The following FGF14 variants were observed in gnomAD, a reference collection of about 807,000 sequenced individuals.
FGF14 encodes fibroblast growth factor 14.
A neutral mutation model predicts 25.5 loss-of-function variants in FGF14; 5 were observed. The ratio of observed to expected loss-of-function variants is 0.20; its 90% CI spans 0.10 to 0.41. FGF14 has a LOEUF of 0.41. FGF14 is among the 10% of genes least tolerant of loss of function. FGF14 has a pLI of 1.00. For missense variants in FGF14, 222 were observed against 320.1 expected, an observed-to-expected ratio of 0.69 and a Z score of 2.34; for synonymous variants, 138 against 118.3, an observed-to-expected ratio of 1.17 and a Z score of -1.08.
At chr13:101,794,337 T>G (rs934858040) in intron 3 of FGF14, among the ~76,000 whole-genome samples, 16 of 152,168 alleles carry the variant, frequency 1.1e-4, no homozygotes, top group Non-Finnish European at 8.8e-5. Flanking sequence ...AACATCTGAT[T>G]TGGTCAGTAG....
chr13:102,038,300 T>C (rs1390223182), intron 1 of FGF14, among the ~76,000 whole-genome samples: 4 of 152,148 alleles, frequency 2.6e-5, no homozygotes, highest in Admixed American at 1.3e-4. Context: ...TTGGAATATA[T>C]GTTATTAGTG....
chr13:102,164,176 A>G (rs2047901039), intron 1 of FGF14, among the ~76,000 whole-genome samples: 1 of 152,196 alleles, frequency 6.6e-6, no homozygotes, highest in Non-Finnish European at 1.5e-5. Flanking sequence ...ACCACAGGAC[A>G]CGAGCAAGAA....
intron 3 of FGF14, among the ~76,000 whole-genome samples, chr13:101,797,772 T>TGTGTGTGTGTGTGC (rs1555384576): frequency 0.028 from 4,014 of 145,620 alleles, 115 homozygotes; most frequent in Middle Eastern, 0.041. Context: ...TGTGTGTGTG[T>TGTGTGTGTGTGTGC]GTGTGTGTGT....
chr13:102,097,940 C>T (rs1198217363), intron 1 of FGF14, among the ~76,000 whole-genome samples: 88 of 152,176 alleles, frequency 5.8e-4, no homozygotes, highest in Non-Finnish European at 1.5e-4. Flanking sequence ...GCAGTCAACC[C>T]GAGAAAAACT....
chr13:101,821,953 TATC>T (rs2042176029), intron 3 of FGF14, among the ~76,000 whole-genome samples: 1 of 152,216 alleles, frequency 6.6e-6, no homozygotes, highest in South Asian at 2.1e-4. Context: ...GAACTGCAGA[TATC>T]ATCTTTTCAC....
Position 101,864,309 on chromosome 13 carries a change from C to G in FGF14, c.408+4416G>C, listed in dbSNP as rs151002996. Among the ~76,000 whole-genome samples, 11 of 152,236 alleles carry G rather than the reference C, an allele frequency of 7.2e-5. No homozygotes were observed. The East Asian group carries it at 2.1e-3, about 29-fold the overall frequency. On this transcript the variant is annotated intron_variant, in intron 3 of 4. Transcript: ENST00000376143. ...GTTAGAAAATCCAAATATTTAGTTTCAATGCCTGAGTAGTCCATTTACTGA... is the reference window on the plus strand; with the variant it reads ...GTTAGAAAATCCAAATATTTAGTTTGAATGCCTGAGTAGTCCATTTACTGA...
chr13:102,280,005 T>G (rs1279014681), intron 1 of FGF14, among the ~76,000 whole-genome samples: 1 of 152,204 alleles, frequency 6.6e-6, no homozygotes, highest in Non-Finnish European at 1.5e-5. Context: ...TTATATTCTG[T>G]GTATGATTTA....
intron 1 of FGF14, among the ~76,000 whole-genome samples, chr13:101,930,564 TC>T (rs2034684413): frequency 6.6e-6 from 1 of 152,198 alleles, no homozygotes; most frequent in South Asian, 2.1e-4. Context: ...AGGGACTCAG[TC>T]AGTTGCAAAG....
intron 3 of FGF14, among the ~76,000 whole-genome samples, chr13:101,829,382 T>C (rs2042561927): frequency 6.6e-6 from 1 of 152,040 alleles, no homozygotes; most frequent in African/African-American, 2.4e-5. Flanking sequence ...GCAACCATAA[T>C]AAGAGAATAA....
intron 3 of FGF14, among the ~76,000 whole-genome samples, chr13:101,757,432 A>G (rs1353428827): frequency 6.6e-6 from 1 of 152,238 alleles, no homozygotes; most frequent in East Asian, 1.9e-4. Context: ...ATCCTAAAAT[A>G]CAAACTGAGA....
At chr13:102,183,042 G>T (rs2048738271) in intron 1 of FGF14, among the ~76,000 whole-genome samples, 1 of 152,068 alleles carries the variant, frequency 6.6e-6, no homozygotes, top group Admixed American at 6.6e-5. Context: ...ATACAAGCAA[G>T]CCCACTCATC....
chr13:102,029,312 G>A (rs1399316118), intron 1 of FGF14, among the ~76,000 whole-genome samples: 1 of 151,946 alleles, frequency 6.6e-6, no homozygotes, highest in Non-Finnish European at 1.5e-5. Context: ...ATATAACTTA[G>A]GATGCAAGAT....
intron 1 of FGF14, among the ~76,000 whole-genome samples, chr13:102,217,923 G>T (rs558541820): frequency 2.0e-5 from 3 of 152,140 alleles, no homozygotes; most frequent in African/African-American, 7.2e-5. Flanking sequence ...CTCCATCATG[G>T]CTGTGCAGAT....
At chr13:101,951,412 T>A (rs1020420500) in intron 1 of FGF14, among the ~76,000 whole-genome samples, 2 of 152,108 alleles carry the variant, frequency 1.3e-5, no homozygotes, top group African/African-American at 4.8e-5. Flanking sequence ...TTTTTTTCAG[T>A]TTTCTAGAAC....
At chr13:102,227,485 T>G (rs1271559936) in intron 1 of FGF14, among the ~76,000 whole-genome samples, 1 of 152,080 alleles carries the variant, frequency 6.6e-6, no homozygotes, top group Non-Finnish European at 1.5e-5. Context: ...TTGTGTACAT[T>G]TTTGTCCCCT....
chr13:102,265,456 G>T (rs543786815), intron 1 of FGF14, among the ~76,000 whole-genome samples: 1 of 152,186 alleles, frequency 6.6e-6, no homozygotes, highest in Non-Finnish European at 1.5e-5. Context: ...TCAAGCAAAA[G>T]GCAGAATCCA....
chr13:101,747,273 C>T (rs1358146748), intron 3 of FGF14, among the ~76,000 whole-genome samples: 2 of 151,948 alleles, frequency 1.3e-5, no homozygotes, highest in Non-Finnish European at 2.9e-5. Flanking sequence ...GTGATTCATC[C>T]AGCAAACAAG....
At chr13:102,392,204 C>T (rs1486606183) in intron 1 of FGF14, among the ~76,000 whole-genome samples, 1 of 152,208 alleles carries the variant, frequency 6.6e-6, no homozygotes, top group Non-Finnish European at 1.5e-5. Flanking sequence ...TCATTCCTAT[C>T]TAAAAAAGCA....
rs141819525 is a variant in FGF14, at chr13:101,948,434, T to C, written c.209-73138A>G. ...ACATATGTAACAAACCTGCACGTTG[T>C]GCACATGTACCCTAGAACTTAAAGT... On this transcript the variant is annotated intron_variant, in intron 1 of 4. Coordinates refer to the FGF14 transcript ENST00000376131. Among the ~76,000 whole-genome samples the C allele has an allele frequency of 5.0e-3, 749 of 150,730 alleles. 2 individuals are homozygous for C. The highest frequency in any genetic ancestry group is 7.7e-3 in the Admixed American group (116 of 15,118).
Sources: gnomAD v4.1 joint callset for allele counts (sites outside exome capture counted in the v4.1 genomes callset) on GRCh38, gnomAD v4.1.1 for gene constraint, MANE v1.5 for transcripts, NCBI Gene and HGNC (gene_info 2026-07-23, HGNC 2026-07-21) for gene names.